AGO3: variants seen among roughly 807,000 people sequenced by gnomAD.
AGO3 encodes the protein argonaute RISC catalytic component 3.
A neutral mutation model predicts 105.5 loss-of-function variants in AGO3; 16 were observed. The observed-to-expected ratio is 0.15, with a 90% confidence interval of 0.10 to 0.23. The LOEUF is 0.23. AGO3 is among the 10% of genes least tolerant of loss of function. AGO3 has a pLI of 1.00. For missense variants in AGO3, 534 were observed against 1,088.0 expected (o/e 0.49, Z 7.16); for synonymous variants, 340 against 367.3 (o/e 0.93, Z 0.85).
In AGO3 at chr1:36,066,329, G is replaced by A. The variant is rs986340024; in HGVS notation, c.*10584G>A. On this transcript the variant is annotated 3_prime_UTR_variant, in exon 19 of 19. Coordinates refer to ENST00000373191, the MANE Select transcript of AGO3 (RefSeq NM_024852.4). The stretch of plus-strand genomic sequence containing the variant: ...TAATCCCAGCACTTCGGGAGGCCGA[G>A]GCAGGCTGATTACCTGAGGTCAGGA... 1 of 152,222 alleles carries A rather than the reference G, an allele frequency of 6.6e-6. No homozygotes were observed. The highest frequency in any genetic ancestry group is 1.5e-5 in the Non-Finnish European group (1 of 68,100). 9.4% of individuals were successfully genotyped at this position (152,222 alleles called of 1,614,324 possible).
Position 36,008,384 on chromosome 1 carries a change from T to C in AGO3, c.794-306T>C, listed in dbSNP as rs989012582. 1.3e-5 allele frequency among the ~76,000 whole-genome samples: 2 copies of C among 152,198 alleles called. No homozygotes were observed. Among genetic ancestry groups the C allele is most frequent in the African/African-American group, 4.8e-5 (2 of 41,456 alleles). ...CCAGCATAAATACCTGAATTTATTATAAACAGGATTTTTTATTAATGGAAG... is the reference window on the plus strand; with the variant it reads ...CCAGCATAAATACCTGAATTTATTACAAACAGGATTTTTTATTAATGGAAG... On this transcript the variant is annotated intron_variant, in intron 6 of 18. Coordinates refer to ENST00000373191, the MANE Select transcript of AGO3 (RefSeq NM_024852.4). This position sits in a 1 kb window ranked among gnomAD's most constrained non-coding sequence, Gnocchi z 5.1.
At chr1:36,045,128 TG>T (rs562682454) in intron 17 of AGO3, among the ~76,000 whole-genome samples, 1 of 152,186 alleles carries the variant, frequency 6.6e-6, no homozygotes, top group Non-Finnish European at 1.5e-5. Context: ...TGGTGGTTAA[TG>T]GGAGGTCCAG....
At chr1:36,051,045 G>A (rs1557715231) in intron 17 of AGO3, among the ~76,000 whole-genome samples, 1 of 151,980 alleles carries the variant, frequency 6.6e-6, no homozygotes, top group Non-Finnish European at 1.5e-5. Flanking sequence ...CCCAGGCTGA[G>A]TTTAAGCAGT....
intron 6 of AGO3, among the ~76,000 whole-genome samples, chr1:36,007,177 A>C (rs755186359): frequency 5.9e-5 from 9 of 152,246 alleles, no homozygotes; most frequent in Non-Finnish European, 1.2e-4. Context: ...GAACCACTGC[A>C]GTATAGGAAT....
At chr1:35,971,730 A>T (rs1276309819) in intron 3 of AGO3, among the ~76,000 whole-genome samples, 2 of 152,110 alleles carry the variant, frequency 1.3e-5, no homozygotes, top group Admixed American at 1.3e-4. Context: ...GTCACTTAAT[A>T]GTATAGCTTG....
At chr1:35,953,743 C>T (rs1404438000) in intron 2 of AGO3, among the ~76,000 whole-genome samples, 1 of 152,052 alleles carries the variant, frequency 6.6e-6, no homozygotes, top group Non-Finnish European at 1.5e-5. Context: ...AACCTCTGAC[C>T]TCAGGTGATT....
chr1:35,935,019 CTG>C (rs1646125004), intron 1 of AGO3, among the ~76,000 whole-genome samples: 2 of 152,118 alleles, frequency 1.3e-5, no homozygotes, highest in Non-Finnish European at 2.9e-5. Context: ...ACTGCTCTGT[CTG>C]TGGGCATGAA....
rs1302194164 is a variant in AGO3 at position 35,946,518 on chromosome 1, T to TA, written c.191+662dup. Among the ~76,000 whole-genome samples the TA allele has an allele frequency of 6.6e-5, 10 of 152,188 alleles. No homozygotes were observed. In the South Asian group the frequency reaches 1.7e-3, roughly 25 times the overall value. The stretch of plus-strand genomic sequence containing the variant: ...TTTTAAAAACAAAGACAACACATTT[T>TA]AAAAAAATGTGATATTCAGTTTAGC... On this transcript the variant is annotated intron_variant, in intron 2 of 18. Transcript: ENST00000373191.
At position 35,997,830 on chromosome 1, in the gene AGO3, A is replaced by G. The variant is rs550933347; in HGVS notation, c.659-6511A>G. Among the ~76,000 whole-genome samples, 6 of 152,106 alleles carry G rather than the reference A, an allele frequency of 3.9e-5. No homozygotes were observed. In the South Asian group the frequency reaches 1.2e-3, roughly 32 times the overall value. Reference sequence around the variant, plus strand: ...TCCTGCCTCAGCCTCCCGAGTATCCAGGATTATACGCGCCTGCCACCACGC... The same window carrying G: ...TCCTGCCTCAGCCTCCCGAGTATCCGGGATTATACGCGCCTGCCACCACGC... On this transcript the variant is annotated intron_variant, in intron 5 of 18. Transcript: ENST00000373191.
At chr1:36,002,691 A>C (rs897943947) in intron 5 of AGO3, among the ~76,000 whole-genome samples, 1 of 151,984 alleles carries the variant, frequency 6.6e-6, no homozygotes, top group African/African-American at 2.4e-5. Flanking sequence ...ATTTATCCAG[A>C]GATAACTACT....
chr1:36,006,253 GAC>G (rs1331349395), intron 6 of AGO3, among the ~76,000 whole-genome samples: 2 of 151,908 alleles, frequency 1.3e-5, no homozygotes, highest in Non-Finnish European at 2.9e-5. Context: ...GTTAAATAAT[GAC>G]ACAAAGTGTG....
intron 5 of AGO3, among the ~76,000 whole-genome samples, chr1:35,998,258 C>A (rs557400556): frequency 6.6e-6 from 1 of 152,196 alleles, no homozygotes; most frequent in Non-Finnish European, 1.5e-5. Flanking sequence ...GAGTATAGTA[C>A]AATTTATCAA....
At chr1:35,970,811 C>A (rs1646853616) in intron 3 of AGO3, among the ~76,000 whole-genome samples, 1 of 151,580 alleles carries the variant, frequency 6.6e-6, no homozygotes, top group Non-Finnish European at 1.5e-5. Context: ...CTCACTGCAG[C>A]CTCAACCTCT....
chr1:35,979,413 A>G (rs942696734), intron 5 of AGO3, among the ~76,000 whole-genome samples: 1 of 152,038 alleles, frequency 6.6e-6, no homozygotes. Flanking sequence ...TTCTAGAGGT[A>G]TTTTTTGTAG....
intron 14 of AGO3, among the ~76,000 whole-genome samples, chr1:36,036,766 C>T (rs1027818295): frequency 1.3e-5 from 2 of 152,114 alleles, no homozygotes; most frequent in African/African-American, 4.8e-5. Context: ...ACAATCTCGG[C>T]TCACTGCAAC....
intron 1 of AGO3, among the ~76,000 whole-genome samples, chr1:35,933,686 C>T (rs1374110254): frequency 1.4e-5 from 2 of 139,480 alleles, no homozygotes; most frequent in African/African-American, 5.3e-5. Flanking sequence ...TCATTTGACA[C>T]GTATTTTGAT....
intron 11 of AGO3, among the ~76,000 whole-genome samples, chr1:36,023,453 C>A (rs1337451644): frequency 6.6e-6 from 1 of 152,140 alleles, no homozygotes; most frequent in Non-Finnish European, 1.5e-5. Context: ...CCCTTAGAAC[C>A]AGAATAGGTT....
intron 11 of AGO3, among the ~76,000 whole-genome samples, chr1:36,025,936 G>A (rs1641480600): frequency 6.6e-6 from 1 of 152,014 alleles, no homozygotes; most frequent in Non-Finnish European, 1.5e-5. Flanking sequence ...TACTTGGGAA[G>A]CTCAGGTGGG....
At chr1:35,987,960 CAGG>C (rs1490520783) in intron 5 of AGO3, among the ~76,000 whole-genome samples, 12 of 151,322 alleles carry the variant, frequency 7.9e-5, no homozygotes, top group African/African-American at 2.7e-4. Flanking sequence ...CCCAGCTACT[CAGG>C]AGGCTAAGGC....
Sources: allele counts gnomAD v4.1 joint callset (sites outside exome capture counted in the v4.1 genomes callset), GRCh38; gene constraint gnomAD v4.1.1; non-coding constraint Gnocchi (gnomAD v3.1); transcripts MANE v1.5; gene names NCBI Gene and HGNC (gene_info 2026-07-23, HGNC 2026-07-21).